The following ZNF568 variants were observed in gnomAD, a reference collection of about 807,000 sequenced individuals.
The protein encoded by ZNF568 is zinc finger protein 568, also known as p53 inhibitor of SCO2 activation.
A neutral mutation model predicts 18.1 loss-of-function variants in ZNF568; 11 were observed. The observed-to-expected ratio is 0.61, with a 90% confidence interval of 0.38 to 1.00. The LOEUF (loss-of-function observed/expected upper bound fraction) is 1.00, where lower values mean the gene tolerates loss of function less well. Ranked by LOEUF, ZNF568 falls within the 50% of genes least tolerant of loss-of-function variation. ZNF568 has a pLI of 0.01. For synonymous variants in ZNF568, 213 were observed against 246.6 expected (o/e 0.86, Z 1.28); for missense variants, 639 against 768.2 (o/e 0.83, Z 1.99).
chr19:36,996,041 G>A (rs904258363), intron 4 of ZNF568, among the ~76,000 whole-genome samples: 1 of 152,114 alleles, frequency 6.6e-6, no homozygotes. Context: ...ATCCAAGTGG[G>A]CCCAGTGTAA....
At chr19:36,954,356 A>T (rs826306), downstream of ZNF568, among the ~76,000 whole-genome samples, 90,268 of 152,038 alleles carry the variant, frequency 0.59, 27,492 homozygotes, top group African/African-American at 0.7. Flanking sequence ...CAGACTAAAG[A>T]TGTGAAGTAC....
Position 36,949,495 on chromosome 19 carries a change from C to A in ZNF568, c.359-17C>A. The A allele has an allele frequency of 6.5e-7, 1 of 1,540,820 alleles. No individual in the cohort carries two copies. The highest frequency in any genetic ancestry group is 8.7e-7 in the Non-Finnish European group (1 of 1,150,306). On this transcript the variant is annotated splice_polypyrimidine_tract_variant and intron_variant, in intron 6 of 6. Transcript: ENST00000333987. ...TAGAATAATTCACAAGTAATAATTT[C>A]TGGTCCTCCATTTTAGAAGTTTGGG...
intron 4 of ZNF568, among the ~76,000 whole-genome samples, chr19:36,933,274 T>C (rs1259430898): frequency 1.3e-5 from 2 of 152,264 alleles, no homozygotes; most frequent in East Asian, 3.9e-4. Context: ...CATCATTTGT[T>C]GAAAAGACTA....
intron 3 of ZNF568, chr19:36,991,408 A>G: frequency 7.5e-7 from 1 of 1,328,832 alleles, no homozygotes; most frequent in Non-Finnish European, 9.9e-7. Flanking sequence ...CTTTTCAAGT[A>G]CCTGGATGAG....
At chr19:36,944,310 A>C (rs1490740267) in intron 6 of ZNF568, among the ~76,000 whole-genome samples, 2 of 151,618 alleles carry the variant, frequency 1.3e-5, no homozygotes, top group Non-Finnish European at 2.9e-5. Context: ...AGGCAGGAGA[A>C]TTGCTTGAAC....
chr19:36,962,275 G>GTTTTTTTTT (rs1410023979), intron 6 of ZNF568, among the ~76,000 whole-genome samples: 1 of 20,672 alleles, frequency 4.8e-5, no homozygotes, highest in Admixed American at 7.3e-4. Flanking sequence ...AAGTGTTGCA[G>GTTTTTTTTT]TGTTTTTTTT....
intron 6 of ZNF568, among the ~76,000 whole-genome samples, chr19:36,970,901 G>A (rs1378475405): frequency 6.6e-6 from 1 of 151,992 alleles, no homozygotes; most frequent in Admixed American, 6.6e-5. Flanking sequence ...AAAATCTACA[G>A]TTTCCTCTAC....
intron 7 of ZNF568, among the ~76,000 whole-genome samples, chr19:36,975,702 T>TTTTTTTTTA (rs1460212271): frequency 7.1e-6 from 1 of 141,768 alleles, no homozygotes; most frequent in Non-Finnish European, 1.5e-5. Context: ...TTTTTTTTTT[T>TTTTTTTTTA]GAGACAGAGT....
chr19:36,924,830 CAA>C (rs1011268515), intron 3 of ZNF568, among the ~76,000 whole-genome samples: 5 of 124,336 alleles, frequency 4.0e-5, no homozygotes, highest in Non-Finnish European at 5.1e-5. Context: ...GACTCCATCT[CAA>C]AAAAAAAAAG....
chr19:36,989,442 C>G (rs765256714), intron 2 of ZNF568, among the ~76,000 whole-genome samples: 3 of 152,256 alleles, frequency 2.0e-5, no homozygotes, highest in Non-Finnish European at 4.4e-5. Flanking sequence ...CTCGGCCTCT[C>G]AAAGTGCTGG....
intron 6 of ZNF568, among the ~76,000 whole-genome samples, chr19:36,964,106 C>T (rs1268504127): frequency 6.6e-6 from 1 of 151,418 alleles, no homozygotes; most frequent in African/African-American, 2.4e-5. Context: ...TTTCTTGTTA[C>T]ATAGTGGGCA....
intron 6 of ZNF568, among the ~76,000 whole-genome samples, chr19:36,970,463 G>C (rs1166519297): frequency 6.6e-6 from 1 of 151,784 alleles, no homozygotes; most frequent in African/African-American, 2.4e-5. Flanking sequence ...TCCAGCCTCA[G>C]CCTCCCCAGT....
intron 6 of ZNF568, among the ~76,000 whole-genome samples, chr19:36,969,829 C>T (rs988863511): frequency 9.7e-6 from 1 of 102,598 alleles, no homozygotes. Flanking sequence ...AAGTCTCACT[C>T]TGCCGCCCAG....
chr19:36,924,533 A>G (rs1013146231), intron 3 of ZNF568, among the ~76,000 whole-genome samples: 4 of 97,600 alleles, frequency 4.1e-5, no homozygotes, highest in Admixed American at 1.0e-4. Context: ...TTTTATGGTT[A>G]AAAAATAACA....
intron 6 of ZNF568, among the ~76,000 whole-genome samples, chr19:36,946,208 G>A (rs754752429): frequency 8.5e-5 from 13 of 152,100 alleles, no homozygotes; most frequent in Non-Finnish European, 2.9e-5. Context: ...GACTTCCGCT[G>A]CTGTTTGGTA....
At position 36,951,254 on chromosome 19, in the gene ZNF568, T is replaced by C; in HGVS notation, c.*166T>C. The C allele has an allele frequency of 1.8e-6, 1 of 565,900 alleles. No individual in the cohort carries two copies. The highest frequency in any genetic ancestry group is 2.7e-6 in the Non-Finnish European group (1 of 374,324). The allele number at this position is 565,900 out of a possible 1,614,324, so 35.1% of individuals were successfully genotyped here. ...TATACATAGATGGAAAAACCCAGTA[T>C]TATAAAAACCTCAATTCTGAAAATC... On this transcript the variant is annotated 3_prime_UTR_variant, in exon 7 of 7. Coordinates refer to ENST00000333987, the MANE Select transcript of ZNF568 (RefSeq NM_198539.4).
intron 6 of ZNF568, among the ~76,000 whole-genome samples, chr19:36,971,539 T>G (rs1446600592): frequency 6.6e-6 from 1 of 152,226 alleles, no homozygotes; most frequent in Non-Finnish European, 1.5e-5. Flanking sequence ...AGAAGTTAAC[T>G]GCTGTTAACA....
At chr19:36,962,620 T>A (rs578977) in intron 6 of ZNF568, among the ~76,000 whole-genome samples, 1 of 151,912 alleles carries the variant, frequency 6.6e-6, no homozygotes, top group East Asian at 1.9e-4. Context: ...AGATAACAGG[T>A]GTGAGCCACC....
intron 4 of ZNF568, among the ~76,000 whole-genome samples, chr19:36,993,931 C>T (rs1257953557): frequency 2.6e-5 from 4 of 151,364 alleles, no homozygotes; most frequent in Non-Finnish European, 2.9e-5. Flanking sequence ...TTATTTCCCT[C>T]CTTCTGGAAG....
Sources: allele counts gnomAD v4.1 joint callset (sites outside exome capture counted in the v4.1 genomes callset), GRCh38; gene constraint gnomAD v4.1.1; transcripts MANE v1.5; gene names NCBI Gene and HGNC (gene_info 2026-07-23, HGNC 2026-07-21).